Variants in TLN2 observed in about 807,000 individuals in gnomAD.
TLN2 encodes talin 2, also known as talin-2.
A neutral mutation model predicts 294.7 loss-of-function variants in TLN2; 118 were observed. The ratio of observed to expected loss-of-function variants is 0.40; its 90% CI spans 0.34 to 0.47. The LOEUF is 0.47. TLN2 is among the 20% of genes least tolerant of loss of function. The pLI is 0.84. For synonymous variants in TLN2, 1,431 were observed against 1,304.5 expected (o/e 1.10, Z -2.09); for missense variants, 3,083 against 3,282.2 (o/e 0.94, Z 1.48).
intron 1 of TLN2, among the ~76,000 whole-genome samples, chr15:62,586,658 C>G (rs1055222112): frequency 6.6e-6 from 1 of 152,100 alleles, no homozygotes; most frequent in African/African-American, 2.4e-5. Flanking sequence ...ATAAATATAA[C>G]CCAATAAAAA....
chr15:62,838,806 C>T, intron 57 of TLN2, 50 bp from the exon 58 acceptor site: 2 of 1,600,180 alleles, frequency 1.2e-6, no homozygotes, highest in East Asian at 2.2e-5. Context: ...TCTTGCCAGG[C>T]CCAAATGGCT....
chr15:62,656,189 T>C lies in TLN2; in HGVS notation c.660+103T>C. Reference sequence around the variant, plus strand: ...GGGCGGCGCTGGCTTCTGCCACATTTATGGCGTCGTTTCCAGCAGGCGCTG... The same window carrying C: ...GGGCGGCGCTGGCTTCTGCCACATTCATGGCGTCGTTTCCAGCAGGCGCTG... On this transcript the variant is annotated intron_variant, in intron 8 of 58. Coordinates refer to ENST00000636159, the MANE Select transcript of TLN2 (RefSeq NM_015059.3). 3 of 1,449,234 alleles carry C rather than the reference T, an allele frequency of 2.1e-6. No homozygotes were observed. The South Asian group carries it at 3.9e-5, about 19-fold the overall frequency. The allele number at this position is 1,449,234 out of a possible 1,614,324, so 89.8% of individuals were successfully genotyped here.
intron 1 of TLN2, among the ~76,000 whole-genome samples, chr15:62,525,221 A>C (rs1173214990): frequency 6.6e-6 from 1 of 152,194 alleles, no homozygotes; most frequent in Non-Finnish European, 1.5e-5. Flanking sequence ...CAGTTTATTA[A>C]AGTTGATTTG....
rs541153944 is a variant in TLN2, at chr15:62,672,064, A to G, written c.789-1763A>G. ...GGGTTTAGATGTTATCAAATCCATC[A>G]ATCTATTAAAAAGTTCCCGATCAAG... On this transcript the variant is annotated intron_variant, in intron 9 of 58. Coordinates refer to ENST00000636159, the MANE Select transcript of TLN2 (RefSeq NM_015059.3). Among the ~76,000 whole-genome samples the G allele has an allele frequency of 3.3e-5, 5 of 152,322 alleles. No individual in the cohort carries two copies. The South Asian group carries it at 1.0e-3, about 32-fold the overall frequency.
At chr15:62,602,283 C>T (rs1202741637) in intron 2 of TLN2, among the ~76,000 whole-genome samples, 8 of 151,996 alleles carry the variant, frequency 5.3e-5, no homozygotes, top group African/African-American at 1.2e-4. Flanking sequence ...TCAGTGATAC[C>T]GTCATATTTT....
At chr15:62,783,471 T>A (rs1396529139) in intron 44 of TLN2, among the ~76,000 whole-genome samples, 1 of 152,240 alleles carries the variant, frequency 6.6e-6, no homozygotes, top group Non-Finnish European at 1.5e-5. Context: ...CCCTGGGCAC[T>A]GGCTCCAAGC....
chr15:62,687,181 A>G (rs1230748446), intron 12 of TLN2, among the ~76,000 whole-genome samples: 1 of 152,178 alleles, frequency 6.6e-6, no homozygotes, highest in East Asian at 1.9e-4. Flanking sequence ...GGTCCTAAGC[A>G]TTGTGATTAT....
chr15:62,410,784 C>T (rs1275435022), intron 1 of TLN2, among the ~76,000 whole-genome samples: 4 of 152,138 alleles, frequency 2.6e-5, no homozygotes, highest in Middle Eastern at 3.2e-3. Context: ...ATGAAGAAGC[C>T]GAGGTGCAGA....
chr15:62,702,636 A>G (rs1420306491), intron 18 of TLN2, 130 bp from the exon 19 acceptor site: 1 of 834,128 alleles, frequency 1.2e-6, no homozygotes, highest in Non-Finnish European at 2.0e-6. Flanking sequence ...TATCTGGCAG[A>G]CCACCTGAGA....
At chr15:62,838,814 G>A (rs1596220997) in intron 57 of TLN2, 42 bp from the exon 58 acceptor site, 1 of 1,603,574 alleles carries the variant, frequency 6.2e-7, no homozygotes, top group Non-Finnish European at 8.5e-7. Flanking sequence ...GGCCCAAATG[G>A]CTGTTTCTAA....
chr15:62,407,051 G>C (rs2033450766), intron 1 of TLN2, among the ~76,000 whole-genome samples: 2 of 152,170 alleles, frequency 1.3e-5, no homozygotes, highest in Non-Finnish European at 2.9e-5. Context: ...ATGCTTGTCA[G>C]TGAAGTTACC....
chr15:62,470,180 C>G (rs929408223), intron 1 of TLN2, among the ~76,000 whole-genome samples: 1 of 152,178 alleles, frequency 6.6e-6, no homozygotes, highest in African/African-American at 2.4e-5. Context: ...TTCCCAAATT[C>G]TGAGGGCTCA....
At chr15:62,688,146 A>G (rs2057449586) in intron 12 of TLN2, among the ~76,000 whole-genome samples, 1 of 152,186 alleles carries the variant, frequency 6.6e-6, no homozygotes, top group Admixed American at 6.5e-5. Flanking sequence ...ACAAAAATTT[A>G]TTTAAAAAAT....
chr15:62,536,483 T>C lies in TLN2; in HGVS notation c.-237-53204T>C, dbSNP rs147605054. Reference sequence around the variant, plus strand: ...CAAGAACAGGACTAATTAGTACATATTGATTATTGGAGATGGTTAAATGCT... The same window carrying C: ...CAAGAACAGGACTAATTAGTACATACTGATTATTGGAGATGGTTAAATGCT... On this transcript the variant is annotated intron_variant, in intron 1 of 58. Coordinates refer to ENST00000636159, the MANE Select transcript of TLN2 (RefSeq NM_015059.3). Among the ~76,000 whole-genome samples, 156 of 152,306 alleles carry C rather than the reference T, an allele frequency of 1.0e-3. 1 individual carries two copies. Among genetic ancestry groups the C allele is most frequent in the African/African-American group, 3.6e-3 (148 of 41,564 alleles).
At chr15:62,560,075 T>C (rs2140588181) in intron 1 of TLN2, among the ~76,000 whole-genome samples, 1 of 152,290 alleles carries the variant, frequency 6.6e-6, no homozygotes, top group African/African-American at 2.4e-5. Context: ...GTCAGGGCTC[T>C]ACCCCTGCCT....
At chr15:62,422,442 G>A (rs437196) in intron 1 of TLN2, among the ~76,000 whole-genome samples, 1 of 152,134 alleles carries the variant, frequency 6.6e-6, no homozygotes, top group South Asian at 2.1e-4. Flanking sequence ...TTGTGCAGAA[G>A]AATTAAAGCA....
intron 51 of TLN2, 85 bp downstream of exon 51, chr15:62,805,870 G>T: frequency 2.8e-6 from 4 of 1,441,658 alleles, no homozygotes; most frequent in African/African-American, 2.8e-5. Flanking sequence ...AAGGGGAGGG[G>T]CTCAGAACCT....
chr15:62,707,432 A>G (rs1214137360), intron 20 of TLN2, among the ~76,000 whole-genome samples, 179 bp downstream of exon 20: 2 of 152,166 alleles, frequency 1.3e-5, no homozygotes, highest in Non-Finnish European at 1.5e-5. Flanking sequence ...TGCTTTTATC[A>G]TTTGTTCTTT....
At chr15:62,502,620 A>G (rs1189525176) in intron 1 of TLN2, among the ~76,000 whole-genome samples, 1 of 152,204 alleles carries the variant, frequency 6.6e-6, no homozygotes, top group East Asian at 1.9e-4. Context: ...TCATGACTGT[A>G]TTGATCCATA....
Sources: allele counts gnomAD v4.1 joint callset (sites outside exome capture counted in the v4.1 genomes callset), GRCh38; gene constraint gnomAD v4.1.1; transcripts MANE v1.5; gene names NCBI Gene and HGNC (gene_info 2026-07-23, HGNC 2026-07-21).